The following SLC16A10 variants were observed in gnomAD, a reference collection of about 807,000 sequenced individuals.
SLC16A10 encodes the protein solute carrier family 16 member 10.
A neutral mutation model predicts 40.0 loss-of-function variants in SLC16A10; 27 were observed. That is an observed-to-expected ratio of 0.67 (90% confidence interval 0.50 to 0.93). The LOEUF is 0.93. SLC16A10 is among the 40% of genes least tolerant of loss of function. The pLI is 0.00. For missense variants in SLC16A10, 529 were observed against 658.2 expected (o/e 0.80, Z 2.15); for synonymous variants, 213 against 249.8 (o/e 0.85, Z 1.39).
intron 1 of SLC16A10, among the ~76,000 whole-genome samples, chr6:111,143,045 A>C (rs969358645): frequency 6.6e-6 from 1 of 152,218 alleles, no homozygotes; most frequent in African/African-American, 2.4e-5. Flanking sequence ...AAAAGGAATG[A>C]GGTATCAAGC....
chr6:111,177,789 TTGAAA>T, intron 3 of SLC16A10, 124 bp downstream of exon 3: 1 of 853,210 alleles, frequency 1.2e-6, no homozygotes, highest in Admixed American at 3.0e-5. Context: ...TTTGGTATTC[TTGAAA>T]TGAAAGGTCT....
chr6:111,140,277 A>G (rs1771958227), intron 1 of SLC16A10, among the ~76,000 whole-genome samples: 1 of 152,068 alleles, frequency 6.6e-6, no homozygotes, highest in South Asian at 2.1e-4. Flanking sequence ...AGCCCAGGCA[A>G]CATAGCAGAA....
chr6:111,162,828 A>G (rs1438080075), intron 1 of SLC16A10, among the ~76,000 whole-genome samples: 1 of 152,156 alleles, frequency 6.6e-6, no homozygotes, highest in African/African-American at 2.4e-5. Context: ...TTTTAAGCAA[A>G]AAAAGATTAC....
At chr6:111,210,125 T>C (rs1452463122) in intron 4 of SLC16A10, among the ~76,000 whole-genome samples, 1 of 152,224 alleles carries the variant, frequency 6.6e-6, no homozygotes, top group African/African-American at 2.4e-5. Context: ...CAACCATTTA[T>C]TGAGGACTTT....
chr6:111,116,616 G>C (rs192949836), intron 1 of SLC16A10, among the ~76,000 whole-genome samples: 1 of 152,210 alleles, frequency 6.6e-6, no homozygotes, highest in Non-Finnish European at 1.5e-5. Flanking sequence ...AAATGCAAAT[G>C]ATAATGGTTA....
chr6:111,213,004 C>G (rs1254182078), intron 4 of SLC16A10, among the ~76,000 whole-genome samples: 2 of 151,948 alleles, frequency 1.3e-5, no homozygotes, highest in African/African-American at 4.8e-5. Flanking sequence ...TTTCTAGTCA[C>G]CATTAAATTA....
chr6:111,129,029 GTATC>G (rs1490362596), intron 1 of SLC16A10, among the ~76,000 whole-genome samples: 2 of 151,210 alleles, frequency 1.3e-5, no homozygotes, highest in Non-Finnish European at 2.9e-5. Flanking sequence ...CAGTTATAGA[GTATC>G]TACTTATTTT....
intron 1 of SLC16A10, among the ~76,000 whole-genome samples, chr6:111,165,691 T>C (rs1288738989): frequency 6.6e-6 from 1 of 152,182 alleles, no homozygotes; most frequent in Non-Finnish European, 1.5e-5. Context: ...TTCAAAGAGA[T>C]GGTAAGCAGT....
intron 1 of SLC16A10, among the ~76,000 whole-genome samples, chr6:111,088,848 C>G (rs1474650956): frequency 6.6e-6 from 1 of 152,126 alleles, no homozygotes; most frequent in Non-Finnish European, 1.5e-5. Context: ...ATTATTATGA[C>G]TTTTTGGCTG....
intron 5 of SLC16A10, 49 bp downstream of exon 5, chr6:111,219,091 A>T (rs778765176): frequency 1.3e-6 from 2 of 1,501,888 alleles, no homozygotes; most frequent in South Asian, 1.2e-5. Context: ...AGTATTTTCT[A>T]CTTCAGGTCT....
chr6:111,222,188 T>G lies in SLC16A10; in HGVS notation c.1501T>G (p.Ser501Ala). The G allele has an allele frequency of 1.2e-6, 2 of 1,607,700 alleles. No individual in the cohort carries two copies. The highest frequency in any genetic ancestry group is 1.7e-6 in the Non-Finnish European group (2 of 1,178,146). Residue 501 changes from serine to alanine, a missense_variant, in exon 6 of 6, where the codon TCA (serine) becomes GCA (alanine). Coordinates refer to ENST00000368851, the MANE Select transcript of SLC16A10 (RefSeq NM_018593.5). ...KMLENQNSLL[S>A]SSSGMFKKES... ...GTTGGAAAACCAGAACTCTCTGCTG[T>G]CAAGTTCATCTGGAATGTTCAAGAA...
intron 1 of SLC16A10, among the ~76,000 whole-genome samples, chr6:111,161,285 AT>A (rs1772367380): frequency 7.0e-6 from 1 of 143,842 alleles, no homozygotes; most frequent in Admixed American, 7.2e-5. Context: ...GAGGGTGGGG[AT>A]CAATCAGAGG....
chr6:111,143,719 G>A (rs1314041223), intron 1 of SLC16A10, among the ~76,000 whole-genome samples: 2 of 152,158 alleles, frequency 1.3e-5, no homozygotes, highest in African/African-American at 4.8e-5. Flanking sequence ...GTGGAGTACA[G>A]AAGATTTTTA....
chr6:111,193,886 GTA>G (rs1773036986), intron 3 of SLC16A10, among the ~76,000 whole-genome samples: 1 of 152,226 alleles, frequency 6.6e-6, no homozygotes, highest in Admixed American at 6.5e-5. Flanking sequence ...GTCTATGTAA[GTA>G]TGGGAAAGGC....
At chr6:111,204,713 A>T (rs1024445656) in intron 3 of SLC16A10, among the ~76,000 whole-genome samples, 1 of 152,180 alleles carries the variant, frequency 6.6e-6, no homozygotes, top group African/African-American at 2.4e-5. Context: ...GTAGAGCTGG[A>T]TCACACAGTG....
chr6:111,096,750 C>T (rs919089370), intron 1 of SLC16A10, among the ~76,000 whole-genome samples: 5 of 152,128 alleles, frequency 3.3e-5, no homozygotes, highest in African/African-American at 1.2e-4. Flanking sequence ...ATTAGAAATA[C>T]TGAATGTGGA....
At chr6:111,198,690 T>G (rs1454986676) in intron 3 of SLC16A10, among the ~76,000 whole-genome samples, 3 of 152,202 alleles carry the variant, frequency 2.0e-5, no homozygotes, top group Non-Finnish European at 4.4e-5. Flanking sequence ...TATATGTGGC[T>G]CATCTTTGAC....
intron 3 of SLC16A10, among the ~76,000 whole-genome samples, chr6:111,183,918 T>G (rs1772848466): frequency 6.6e-6 from 1 of 152,184 alleles, no homozygotes; most frequent in South Asian, 2.1e-4. Context: ...CTGCATAGCT[T>G]TGGTCGAGCA....
Position 111,177,353 on chromosome 6 carries a change from C to T in SLC16A10, c.630C>T (p.Ser210=), listed in dbSNP as rs116051634. 2.0e-4 allele frequency: 315 copies of T among 1,613,842 alleles called. 2 individuals carry two copies. The East Asian group carries it at 5.9e-3, about 30-fold the overall frequency. ...TGAATGGCATTGTCACTGCTGGCAG[C>T]AGTGTCTTCACAATCCTGCTGCCTT... ...GLVNGIVTAG[S]SVFTILLPLL... The change falls in exon 3 of 6, where the codon AGC becomes AGT. Residue 210 remains serine (S), a synonymous_variant. Transcript: ENST00000368851.
Sources: gnomAD v4.1 joint callset for allele counts (sites outside exome capture counted in the v4.1 genomes callset) on GRCh38, gnomAD v4.1.1 for gene constraint, MANE v1.5 for transcripts, NCBI Gene and HGNC (gene_info 2026-07-23, HGNC 2026-07-21) for gene names.